Variants in CORO2B observed in about 807,000 individuals in gnomAD.
The protein encoded by CORO2B is coronin 2B, also known as coronin-2B.
CORO2B carries 26 observed loss-of-function variants against 58.8 expected under a neutral mutation model. That is an observed-to-expected ratio of 0.44 (90% confidence interval 0.32 to 0.61). CORO2B has a LOEUF of 0.61. Among genes scored for constraint, CORO2B ranks in the 20% least tolerant of loss-of-function variants. CORO2B has a pLI of 0.04. For synonymous variants in CORO2B, 242 were observed against 253.8 expected (o/e 0.95, Z 0.44); for missense variants, 460 against 645.1 (o/e 0.71, Z 3.11).
At chr15:68,621,340 T>C (rs925106546) in intron 1 of CORO2B, among the ~76,000 whole-genome samples, 1 of 152,214 alleles carries the variant, frequency 6.6e-6, no homozygotes, top group African/African-American at 2.4e-5. Context: ...CGTGCCAGCA[T>C]GGAGACCTGG....
chr15:68,539,651 C>T, the CORO2B span, among the ~76,000 whole-genome samples: 1 of 152,022 alleles, frequency 6.6e-6, no homozygotes, highest in African/African-American at 2.4e-5. Context: ...GGTGACAGAG[C>T]AAGACCATGT....
At chr15:68,525,549 A>T in the CORO2B span, among the ~76,000 whole-genome samples, 1 of 152,208 alleles carries the variant, frequency 6.6e-6, no homozygotes, top group African/African-American at 2.4e-5. Flanking sequence ...ATTTGTTAAA[A>T]AGTAGAAATG....
At chr15:68,565,412 T>G in the CORO2B span, among the ~76,000 whole-genome samples, 1 of 151,782 alleles carries the variant, frequency 6.6e-6, no homozygotes, top group Admixed American at 6.6e-5. Flanking sequence ...TGTGGATGTA[T>G]GTTGCCTGCC....
the CORO2B span, among the ~76,000 whole-genome samples, chr15:68,569,777 C>G: frequency 5.3e-4 from 80 of 152,352 alleles, no homozygotes; most frequent in Admixed American, 2.6e-3. Flanking sequence ...GTTCCTGTGG[C>G]TCCACATCTT....
intron 1 of CORO2B, among the ~76,000 whole-genome samples, chr15:68,593,034 C>T (rs1566979754): frequency 6.6e-6 from 1 of 152,136 alleles, no homozygotes; most frequent in African/African-American, 2.4e-5. Context: ...AGGGTCATCC[C>T]ATGGCAGAGG....
chr15:68,555,561 A>G, the CORO2B span, among the ~76,000 whole-genome samples: 1 of 152,086 alleles, frequency 6.6e-6, no homozygotes, highest in East Asian at 1.9e-4. Context: ...CCCTTACTCT[A>G]TGTTCCTGCC....
In CORO2B at chr15:68,726,100, G is replaced by A. The variant is rs187940117; in HGVS notation, c.*126G>A. On this transcript the variant is annotated 3_prime_UTR_variant, in exon 12 of 12. Coordinates refer to ENST00000261861, the MANE Select transcript of CORO2B (RefSeq NM_006091.5). Reference sequence around the variant, plus strand: ...AGTGGGGGCCAGCCTGAGGACCCCCGCCTACCACCTCGAGAACTGGAAGCC... The same window carrying A: ...AGTGGGGGCCAGCCTGAGGACCCCCACCTACCACCTCGAGAACTGGAAGCC... The A allele has an allele frequency of 2.9e-4, 371 of 1,258,024 alleles. No homozygotes were observed. The highest frequency in any genetic ancestry group is 1.3e-3 in the Middle Eastern group (7 of 5,334). 77.9% of individuals were successfully genotyped at this position (1,258,024 alleles called of 1,614,324 possible).
chr15:68,706,108 C>T (rs958269962), intron 3 of CORO2B, among the ~76,000 whole-genome samples: 8 of 152,244 alleles, frequency 5.3e-5, no homozygotes, highest in Middle Eastern at 3.4e-3. Flanking sequence ...GCCTCAGTGA[C>T]GAGATATGAC....
chr15:68,718,846 C>G (rs1893094230), intron 9 of CORO2B, 36 bp downstream of exon 9: 1 of 1,534,774 alleles, frequency 6.5e-7, no homozygotes, highest in East Asian at 2.3e-5. Context: ...GGAGGGGGGC[C>G]TGCATCGCCT....
the CORO2B span, among the ~76,000 whole-genome samples, chr15:68,541,521 T>A: frequency 6.8e-6 from 1 of 147,302 alleles, no homozygotes; most frequent in African/African-American, 2.7e-5. Flanking sequence ...TAAGCTGAAC[T>A]CGAAGGAATC....
intron 2 of CORO2B, among the ~76,000 whole-genome samples, chr15:68,678,096 C>T (rs1902647391): frequency 6.6e-6 from 1 of 152,238 alleles, no homozygotes; most frequent in Admixed American, 6.5e-5. Flanking sequence ...AAAGGCCTAA[C>T]ATGCACTTGA....
chr15:68,560,076 A>C, the CORO2B span, among the ~76,000 whole-genome samples: 8 of 152,244 alleles, frequency 5.3e-5, no homozygotes, highest in African/African-American at 1.9e-4. Context: ...AGAGTCCCGC[A>C]ATGGGATGAC....
intron 1 of CORO2B, among the ~76,000 whole-genome samples, chr15:68,618,874 A>G (rs919216675): frequency 2.0e-4 from 31 of 152,230 alleles, no homozygotes; most frequent in African/African-American, 7.0e-4. Flanking sequence ...CAAGCCTGAA[A>G]ATTTAAAATT....
At chr15:68,540,435 C>A in the CORO2B span, among the ~76,000 whole-genome samples, 1 of 152,134 alleles carries the variant, frequency 6.6e-6, no homozygotes, top group Non-Finnish European at 1.5e-5. Flanking sequence ...GTGGTGGGCT[C>A]CTTTCATTTA....
At chr15:68,709,887 A>AC (rs11462221) in intron 3 of CORO2B, among the ~76,000 whole-genome samples, 26,144 of 151,964 alleles carry the variant, frequency 0.17, 2,809 homozygotes, top group Non-Finnish European at 0.24. Context: ...TGTTCCCCCC[A>AC]CCTACCACCT....
At chr15:68,521,348 A>G in the CORO2B span, among the ~76,000 whole-genome samples, 685 of 152,308 alleles carry the variant, frequency 4.5e-3, 4 homozygotes, top group African/African-American at 0.016. Flanking sequence ...TACTTTTGTA[A>G]ATTCTGGACA....
chr15:68,693,395 C>T (rs925377648), intron 2 of CORO2B, among the ~76,000 whole-genome samples: 1 of 152,186 alleles, frequency 6.6e-6, no homozygotes, highest in African/African-American at 2.4e-5. Flanking sequence ...TCTCCTCCTC[C>T]TTATTATTCT....
chr15:68,568,874 G>A, the CORO2B span, among the ~76,000 whole-genome samples: 33 of 152,094 alleles, frequency 2.2e-4, no homozygotes, highest in African/African-American at 7.2e-4. Context: ...TAATGCATAC[G>A]GGGCTTAATA....
chr15:68,669,867 G>T (rs1026397696), intron 2 of CORO2B, among the ~76,000 whole-genome samples: 2 of 152,046 alleles, frequency 1.3e-5, no homozygotes, highest in African/African-American at 2.4e-5. Flanking sequence ...GACCAGCCTG[G>T]CCAACATGGT....
Sources: gnomAD v4.1 joint callset for allele counts (sites outside exome capture counted in the v4.1 genomes callset) on GRCh38, gnomAD v4.1.1 for gene constraint, MANE v1.5 for transcripts, NCBI Gene and HGNC (gene_info 2026-07-23, HGNC 2026-07-21) for gene names.